Variants in MSI2 observed in about 807,000 individuals in gnomAD.
The protein encoded by MSI2 is musashi RNA binding protein 2.
Under a neutral mutation model 45.6 loss-of-function variants are expected in MSI2, and 17 were observed. The ratio of observed to expected loss-of-function variants is 0.37; its 90% CI spans 0.26 to 0.56. MSI2 has a LOEUF of 0.56. Among genes scored for constraint, MSI2 ranks in the 20% least tolerant of loss-of-function variants. MSI2 has a pLI of 0.77. For synonymous variants in MSI2, 156 were observed against 158.2 expected (o/e 0.99, Z 0.11); for missense variants, 293 against 444.2 (o/e 0.66, Z 3.06).
chr17:57,631,452 C>T (rs1367952381), intron 10 of MSI2: 1 of 273,720 alleles, frequency 3.7e-6, no homozygotes, highest in Non-Finnish European at 6.8e-6. Flanking sequence ...GCTGCACGGA[C>T]CTTCCTGGGC....
chr17:57,376,453 G>A (rs1023251335), intron 5 of MSI2, among the ~76,000 whole-genome samples: 4 of 152,092 alleles, frequency 2.6e-5, no homozygotes, highest in South Asian at 2.1e-4. Context: ...ATCCCTTCTC[G>A]CCTAGGTAGG....
intron 4 of MSI2, among the ~76,000 whole-genome samples, chr17:57,260,298 A>G (rs1036792561): frequency 1.3e-5 from 2 of 152,206 alleles, no homozygotes; most frequent in Admixed American, 1.3e-4. Context: ...AACTTCGATC[A>G]TGATATAATG....
In MSI2 at chr17:57,323,377, C is replaced by T. The variant is rs76560146; in HGVS notation, c.312+61185C>T. 4.2e-3 allele frequency among the ~76,000 whole-genome samples: 634 copies of T among 152,344 alleles called. 3 individuals are homozygous for T. The highest frequency in any genetic ancestry group is 0.014 in the African/African-American group (598 of 41,574). ...CTTCTGGACATCCATGCCTGAGAAGCACCTTGGGTTTTCCCTGCTCCCAAG... is the reference window on the plus strand; with the variant it reads ...CTTCTGGACATCCATGCCTGAGAAGTACCTTGGGTTTTCCCTGCTCCCAAG... On this transcript the variant is annotated intron_variant, in intron 5 of 13. Transcript: ENST00000284073.
chr17:57,506,227 C>G (rs534798712), intron 6 of MSI2, among the ~76,000 whole-genome samples: 1 of 152,354 alleles, frequency 6.6e-6, no homozygotes, highest in East Asian at 1.9e-4. Flanking sequence ...TGCTCCGGCT[C>G]TTTCTCTTTG....
At position 57,389,568 on chromosome 17, in the gene MSI2, C is replaced by T. The variant is rs116013039; in HGVS notation, c.313-11811C>T. ...ACACAGGCTCTTACTTGAATGTAAGCATCTTTGGAGCAGAGATGAGGTCTC... is the reference window on the plus strand; with the variant it reads ...ACACAGGCTCTTACTTGAATGTAAGTATCTTTGGAGCAGAGATGAGGTCTC... On this transcript the variant is annotated intron_variant, in intron 5 of 13. Coordinates refer to ENST00000284073, the MANE Select transcript of MSI2 (RefSeq NM_138962.4). Among the ~76,000 whole-genome samples the T allele has an allele frequency of 5.1e-3, 770 of 152,296 alleles. 5 individuals carry two copies. The highest frequency in any genetic ancestry group is 0.016 in the African/African-American group (685 of 41,562).
intron 8 of MSI2, among the ~76,000 whole-genome samples, chr17:57,599,220 C>A (rs1359304522): frequency 6.6e-6 from 1 of 152,208 alleles, no homozygotes; most frequent in East Asian, 1.9e-4. Flanking sequence ...TGTAGCCCTT[C>A]CCTGTTGACA....
At chr17:57,416,591 G>A (rs932862092) in intron 6 of MSI2, among the ~76,000 whole-genome samples, 1 of 152,148 alleles carries the variant, frequency 6.6e-6, no homozygotes, top group Non-Finnish European at 1.5e-5. Flanking sequence ...GGGTGTGTCC[G>A]CCCATATTTT....
rs1472105593 is a variant in MSI2, at chr17:57,565,310, C to T, written c.455-31558C>T. 2.6e-5 allele frequency among the ~76,000 whole-genome samples: 4 copies of T among 152,178 alleles called. No individual in the cohort carries two copies. In the South Asian group the frequency reaches 6.2e-4, roughly 24 times the overall value. On this transcript the variant is annotated intron_variant, in intron 7 of 13. Transcript: ENST00000284073. ...CACAGCATCTGAATTCGGTTCCAGC[C>T]GGCCTTCCCAGCCTCACGCTGTACC...
At chr17:57,503,988 C>A (rs928386127) in intron 6 of MSI2, among the ~76,000 whole-genome samples, 1 of 152,212 alleles carries the variant, frequency 6.6e-6, no homozygotes, top group Non-Finnish European at 1.5e-5. Flanking sequence ...CCCGCCTCAG[C>A]CTCCCAGAGT....
chr17:57,291,171 A>G (rs891110462), intron 5 of MSI2, among the ~76,000 whole-genome samples: 7 of 152,180 alleles, frequency 4.6e-5, no homozygotes, highest in Non-Finnish European at 8.8e-5. Context: ...GGTAACTGGT[A>G]TGTGTGTGCA....
intron 10 of MSI2, among the ~76,000 whole-genome samples, chr17:57,633,509 G>T (rs1909591645): frequency 6.6e-6 from 1 of 152,224 alleles, no homozygotes; most frequent in Non-Finnish European, 1.5e-5. Flanking sequence ...TGTGCACTAG[G>T]TGTGTGCGCC....
chr17:57,625,351 AG>A (rs1290245807), intron 9 of MSI2, among the ~76,000 whole-genome samples: 1 of 152,192 alleles, frequency 6.6e-6, no homozygotes. Flanking sequence ...AACATCCACC[AG>A]GAAGTGAGGG....
intron 6 of MSI2, among the ~76,000 whole-genome samples, chr17:57,404,353 G>T (rs1417482518): frequency 6.6e-6 from 1 of 152,176 alleles, no homozygotes; most frequent in African/African-American, 2.4e-5. Flanking sequence ...AAGATGCAAA[G>T]GACAGGAAGA....
chr17:57,399,823 G>T (rs2143078048), intron 5 of MSI2, among the ~76,000 whole-genome samples: 1 of 152,276 alleles, frequency 6.6e-6, no homozygotes, highest in East Asian at 1.9e-4. Flanking sequence ...TCCTGCCCAG[G>T]GTCACACCCA....
chr17:57,464,257 A>G (rs1797784265), intron 6 of MSI2, among the ~76,000 whole-genome samples: 1 of 152,112 alleles, frequency 6.6e-6, no homozygotes, highest in African/African-American at 2.4e-5. Context: ...AGCCTGAGCA[A>G]CATGGCAAAA....
At chr17:57,541,988 C>G (rs899253057) in intron 7 of MSI2, among the ~76,000 whole-genome samples, 8 of 152,110 alleles carry the variant, frequency 5.3e-5, no homozygotes, top group South Asian at 2.1e-4. Flanking sequence ...TGCTGACATC[C>G]GATTTATTAT....
rs569445219 is a variant in MSI2 at position 57,355,509 on chromosome 17, T to A, written c.313-45870T>A. Among the ~76,000 whole-genome samples, 81 of 152,344 alleles carry A rather than the reference T, an allele frequency of 5.3e-4. 3 individuals carry two copies. In the South Asian group the frequency reaches 0.017, roughly 32 times the overall value. ...CTTATTTTTCTCTTCCTTTTCTGCC[T>A]CAGACCTTTCTGTTAGGGATGCGTG... On this transcript the variant is annotated intron_variant, in intron 5 of 13. Transcript: ENST00000284073.
the MSI2 span, among the ~76,000 whole-genome samples, chr17:57,698,386 C>T: frequency 6.6e-6 from 1 of 152,220 alleles, no homozygotes; most frequent in Non-Finnish European, 1.5e-5. Context: ...CAGGGAGCAC[C>T]TTTCCTCGGT....
intron 7 of MSI2, among the ~76,000 whole-genome samples, chr17:57,590,135 C>G (rs1904687690): frequency 6.6e-6 from 1 of 152,130 alleles, no homozygotes; most frequent in South Asian, 2.1e-4. Flanking sequence ...TTTTTCCTCC[C>G]TCATTTTTTT....
Sources: gnomAD v4.1 joint callset for allele counts (sites outside exome capture counted in the v4.1 genomes callset) on GRCh38, gnomAD v4.1.1 for gene constraint, MANE v1.5 for transcripts, NCBI Gene and HGNC (gene_info 2026-07-23, HGNC 2026-07-21) for gene names.